Variants in PAK1IP1 observed in about 807,000 individuals in gnomAD.
PAK1IP1 encodes PAK1 interacting protein 1, also known as p21-activated protein kinase-interacting protein 1.
A neutral mutation model predicts 42.0 loss-of-function variants in PAK1IP1; 24 were observed. That is an observed-to-expected ratio of 0.57 (90% CI 0.41 to 0.80). The LOEUF is 0.80. Among genes scored for constraint, PAK1IP1 ranks in the 30% least tolerant of loss-of-function variants. The pLI is 0.00. For synonymous variants in PAK1IP1, 154 were observed against 156.7 expected, an observed-to-expected ratio of 0.98 and a Z score of 0.13; for missense variants, 411 against 467.9, an observed-to-expected ratio of 0.88 and a Z score of 1.12.
chr6:10,697,287 G>A (rs1769886786), intron 1 of PAK1IP1, 37 bp from the exon 2 acceptor site: 1 of 1,584,618 alleles, frequency 6.3e-7, no homozygotes, highest in East Asian at 2.3e-5. Context: ...GAACTGTGGT[G>A]TGACTGGCAT....
chr6:10,694,978 G>T lies in PAK1IP1; in HGVS notation c.-8G>T. ...CCGGGCTGGCGGAAGAGGCACGTGCGCTGCTGAATGGAGCTGGTCGCTGGT... is the reference window on the plus strand; with the variant it reads ...CCGGGCTGGCGGAAGAGGCACGTGCTCTGCTGAATGGAGCTGGTCGCTGGT... On this transcript the variant is annotated 5_prime_UTR_variant, in exon 1 of 10. Coordinates refer to ENST00000379568, the MANE Select transcript of PAK1IP1 (RefSeq NM_017906.3). The T allele has an allele frequency of 6.3e-7, 1 of 1,592,650 alleles. No individual in the cohort carries two copies. Among genetic ancestry groups the T allele is most frequent in the Non-Finnish European group, 8.5e-7 (1 of 1,174,886 alleles).
chr6:10,694,598 A>AGTTGGGTGT, upstream of PAK1IP1: 1 of 172,156 alleles, frequency 5.8e-6, no homozygotes, highest in South Asian at 1.2e-4. Context: ...TACAGCCCCT[A>AGTTGGGTGT]AGCAACCGGC....
chr6:10,699,363 G>A lies in PAK1IP1; in HGVS notation c.247+1877G>A, dbSNP rs370035140. On this transcript the variant is annotated intron_variant, in intron 2 of 9. Coordinates refer to ENST00000379568, the MANE Select transcript of PAK1IP1 (RefSeq NM_017906.3). ...CAGCAAATAGCTTCCTAGAGGTCAA[G>A]AGTTCTAACGTGGAACAGCTCTATG... Among the ~76,000 whole-genome samples the A allele has an allele frequency of 2.6e-5, 4 of 152,288 alleles. No homozygotes were observed. The South Asian group carries it at 6.2e-4, about 24-fold the overall frequency.
At chr6:10,697,552 A>G (rs1769896305) in intron 2 of PAK1IP1, 66 bp downstream of exon 2, 1 of 1,198,140 alleles carries the variant, frequency 8.3e-7, no homozygotes, top group Admixed American at 2.1e-5. Context: ...CTTCAGTTGA[A>G]CAATTTGTTG....
At chr6:10,703,027 G>C (rs1770083378) in intron 4 of PAK1IP1, among the ~76,000 whole-genome samples, 1 of 152,030 alleles carries the variant, frequency 6.6e-6, no homozygotes, top group African/African-American at 2.4e-5. Flanking sequence ...GGATGGTCTT[G>C]ATCTCCTGAC....
chr6:10,703,293 T>C (rs1770094987), intron 4 of PAK1IP1, 112 bp from the exon 5 acceptor site: 2 of 732,342 alleles, frequency 2.7e-6, no homozygotes, highest in Non-Finnish European at 4.7e-6. Context: ...GCAGGTCTTC[T>C]AAATAGCCAA....
At chr6:10,699,250 A>G (rs1473537041) in intron 2 of PAK1IP1, among the ~76,000 whole-genome samples, 1 of 151,916 alleles carries the variant, frequency 6.6e-6, no homozygotes, top group African/African-American at 2.4e-5. Flanking sequence ...ATGTGTTGTC[A>G]AGGGCCTGGA....
At chr6:10,703,807 C>T (rs1380880531) in intron 5 of PAK1IP1, among the ~76,000 whole-genome samples, 1 of 152,084 alleles carries the variant, frequency 6.6e-6, no homozygotes, top group African/African-American at 2.4e-5. Context: ...GGATACTCAA[C>T]CTGTATATTT....
In PAK1IP1 at chr6:10,697,486, G is replaced by A; in HGVS notation, c.247G>A (p.Gly83Ser). Residue 83 changes from glycine (G) to serine (S), a missense_variant and splice_region_variant, in exon 2 of 10, where the codon GGT (glycine) becomes AGT (serine). Transcript: ENST00000379568. Reference protein sequence around the residue: ...IEHGALVHHSGTITCLKFYGN... With the variant: ...IEHGALVHHSSTITCLKFYGN... Reference sequence around the variant, plus strand: ...GCATGGGGCTCTAGTGCATCACAGTGGTAAGAAAATTGTATCCCTTAAGAT... The same window carrying A: ...GCATGGGGCTCTAGTGCATCACAGTAGTAAGAAAATTGTATCCCTTAAGAT... 4 of 1,607,206 alleles carry A rather than the reference G, an allele frequency of 2.5e-6. No individual in the cohort carries two copies. Among genetic ancestry groups the A allele is most frequent in the Non-Finnish European group, 3.4e-6 (4 of 1,174,800 alleles).
chr6:10,702,397 C>T lies in PAK1IP1; in HGVS notation c.276C>T (p.Gly92=), dbSNP rs1242862710. 4.3e-6 allele frequency: 7 copies of T among 1,613,074 alleles called. No individual in the cohort carries two copies. Among genetic ancestry groups the T allele is most frequent in the Non-Finnish European group, 5.9e-6 (7 of 1,179,188 alleles). ...SGTITCLKFY[G]NRHLISGAED... ...CAATAACTTGCCTGAAATTCTATGG[C>T]AACAGGCATTTAATCAGTGGAGCGG... The change falls in exon 3 of 10, where the codon GGC becomes GGT. Residue 92 remains glycine, a synonymous_variant. Transcript: ENST00000379568.
Position 10,707,509 on chromosome 6 carries a change from G to T in PAK1IP1, c.835G>T (p.Asp279Tyr), listed in dbSNP as rs956362330. Residue 279 changes from aspartate to tyrosine, a missense_variant, in exon 8 of 10, where the codon GAT becomes TAT. Physicochemically the swap from Asp to Tyr is radical, Grantham distance 160 (BLOSUM62 -3). Coordinates refer to ENST00000379568, the MANE Select transcript of PAK1IP1 (RefSeq NM_017906.3). ...CATCAAAATGTGGAAGCTTAAGCAG[G>T]ATAAGGTCAGTGCTTCAACACAATC... ...GFIKMWKLKQDKKVPPSLLCE... is the reference protein window; with the variant it reads ...GFIKMWKLKQYKKVPPSLLCE... The T allele has an allele frequency of 6.4e-7, 1 of 1,571,720 alleles. No homozygotes were observed. Among genetic ancestry groups the T allele is most frequent in the Non-Finnish European group, 8.8e-7 (1 of 1,141,312 alleles).
At position 10,695,051 on chromosome 6, in the gene PAK1IP1, G is replaced by C. The variant is rs772493979; in HGVS notation, c.66G>C (p.Glu22Asp). ...LFGFAVHPEP[E>D]ACGDHEQWTL... ...GGTTCGCTGTACACCCGGAGCCCGA[G>C]GCTTGCGGCGACCACGAGGTGAGAT... Residue 22 changes from glutamate to aspartate, a missense_variant, in exon 1 of 10, where the codon GAG (glutamate) becomes GAC (aspartate). Physicochemically the swap from Glu to Asp is conservative, Grantham distance 45 (BLOSUM62 2). Coordinates refer to ENST00000379568, the MANE Select transcript of PAK1IP1 (RefSeq NM_017906.3). 1.2e-6 allele frequency: 2 copies of C among 1,600,396 alleles called. No individual in the cohort carries two copies. The highest frequency in any genetic ancestry group is 1.7e-6 in the Non-Finnish European group (2 of 1,178,378).
rs1389604764 is a variant in PAK1IP1, at chr6:10,709,706, CT to C, written c.*257del. The C allele has an allele frequency of 4.3e-6, 1 of 231,536 alleles. No homozygotes were observed. The highest frequency in any genetic ancestry group is 2.3e-5 in the African/African-American group (1 of 43,580). The allele number at this position is 231,536 out of a possible 1,614,324, so 14.3% of individuals were successfully genotyped here. A position where few individuals can be genotyped will look rare whatever the true frequency, so the allele number is the denominator to read the frequency against. Reference sequence around the variant, plus strand: ...ATGTTAATGTGTCATGTAATTTTTACTTTGTACAAAGCAAATAAAGATCTTT... The same window carrying C: ...ATGTTAATGTGTCATGTAATTTTTACTTGTACAAAGCAAATAAAGATCTTT... On this transcript the variant is annotated 3_prime_UTR_variant, in exon 10 of 10. Coordinates refer to ENST00000379568, the MANE Select transcript of PAK1IP1 (RefSeq NM_017906.3).
intron 8 of PAK1IP1, among the ~76,000 whole-genome samples, chr6:10,708,634 CT>C (rs34208105): frequency 0.21 from 32,020 of 151,620 alleles, 10,440 homozygotes; most frequent in African/African-American, 0.7. Flanking sequence ...CACCCATTAA[CT>C]TCGTCATTTA....
In PAK1IP1 at chr6:10,704,978, G is replaced by A; in HGVS notation, c.740+134G>A. ...AGACATATCTACATGTACAGTATAT[G>A]GTATCTGTAGTCTAATAAGGTGGTG... is the stretch of plus-strand genomic sequence containing the variant. On this transcript the variant is annotated intron_variant, in intron 7 of 9. Transcript: ENST00000379568. 4.6e-6 allele frequency: 3 copies of A among 654,100 alleles called. No homozygotes were observed. The South Asian group carries it at 5.3e-5, about 11-fold the overall frequency. The allele number at this position is 654,100 out of a possible 1,614,324, so 40.5% of individuals were successfully genotyped here. A position where few individuals can be genotyped will look rare whatever the true frequency, so the allele number is the denominator to read the frequency against.
At chr6:10,707,187 A>C (rs1770229837) in intron 7 of PAK1IP1, among the ~76,000 whole-genome samples, 1 of 152,178 alleles carries the variant, frequency 6.6e-6, no homozygotes, top group African/African-American at 2.4e-5. Flanking sequence ...TTTCTTTTCA[A>C]CTTTTCCTTC....
upstream of PAK1IP1, chr6:10,694,959 T>C (rs1180271829): frequency 4.0e-6 from 6 of 1,486,558 alleles, no homozygotes; most frequent in Non-Finnish European, 5.5e-6. Context: ...TGAGCCGGGC[T>C]GGCGGAAGAG....
At chr6:10,694,612 A>AT, upstream of PAK1IP1, 5 of 183,292 alleles carry the variant, frequency 2.7e-5, no homozygotes, top group South Asian at 9.7e-5. Flanking sequence ...AACCGGCCGG[A>AT]AGTCGGCCCC....
rs915535382 is a variant in PAK1IP1 at position 10,695,023 on chromosome 6, T to G, written c.38T>G (p.Phe13Cys). ...LVAGCYEQVL[F>C]GFAVHPEPEA... ...GCTGGTTGCTACGAGCAGGTCCTCT[T>G]TGGGTTCGCTGTACACCCGGAGCCC... The change falls in exon 1 of 10, where the codon TTT becomes TGT. Residue 13 changes from phenylalanine (F) to cysteine (C), a missense_variant. By Grantham distance (205) the Phe-to-Cys change is radical. Coordinates refer to ENST00000379568, the MANE Select transcript of PAK1IP1 (RefSeq NM_017906.3). 4 of 1,603,094 alleles carry G rather than the reference T, an allele frequency of 2.5e-6. No individual in the cohort carries two copies. The highest frequency in any genetic ancestry group is 3.4e-6 in the Non-Finnish European group (4 of 1,179,686).
Sources: allele counts gnomAD v4.1 joint callset (sites outside exome capture counted in the v4.1 genomes callset), GRCh38; gene constraint gnomAD v4.1.1; transcripts MANE v1.5; gene names NCBI Gene and HGNC (gene_info 2026-07-23, HGNC 2026-07-21).